ZNF814: variants seen among roughly 807,000 people sequenced by gnomAD.
ZNF814 encodes the protein zinc finger protein 814.
ZNF814 carries 5 observed loss-of-function variants against 7.5 expected under a neutral mutation model. The ratio of observed to expected loss-of-function variants is 0.67; its 90% CI spans 0.35 to 1.40. The LOEUF (loss-of-function observed/expected upper bound fraction) is 1.40. Ranked by LOEUF, ZNF814 falls within the 40% of genes most tolerant of loss-of-function variation. The pLI, the probability that ZNF814 is intolerant of heterozygous loss-of-function variation, is 0.04. For missense variants in ZNF814, 962 were observed against 1,018.0 expected, an observed-to-expected ratio of 0.94 and a Z score of 0.75; for synonymous variants, 315 against 340.7, an observed-to-expected ratio of 0.92 and a Z score of 0.83.
chr19:57,870,174 A>C lies in ZNF814; in HGVS notation c.*2648T>G, dbSNP rs1600132822. The C allele has an allele frequency of 6.6e-6, 1 of 152,142 alleles. No individual in the cohort carries two copies. The highest frequency in any genetic ancestry group is 1.9e-4 in the East Asian group (1 of 5,190). 9.4% of individuals were successfully genotyped at this position (152,142 alleles called of 1,614,324 possible). ...AGAATGGTGTGAACCCAGGAGGCAG[A>C]GCTTGCAGTGAGCCGAGATCGTGCC... On this transcript the variant is annotated 3_prime_UTR_variant, in exon 3 of 3. Coordinates refer to ENST00000435989, the MANE Select transcript of ZNF814 (RefSeq NM_001144989.2).
rs189297818 is a variant in ZNF814 at position 57,873,090 on chromosome 19, G to C, written c.2300C>G (p.Thr767Ser). ...ACTGCACTCATAAGGCTTTTCTCCA[G>C]TGTGAATTCGCTTATGAACACAGAA... ...STFCVHKRIH[T>S]GEKPYECSEC... The change falls in exon 3 of 3, where the codon ACT (threonine) becomes AGT (serine). Residue 767 changes from threonine (T) to serine (S), a missense_variant. Physicochemically the swap from Thr to Ser is moderately conservative, Grantham distance 58. This residue lies in a region of ZNF814 where 665 missense variants were observed against 551.4 expected (regional missense o/e 1.21). Coordinates refer to ENST00000435989, the MANE Select transcript of ZNF814 (RefSeq NM_001144989.2). 25 of 1,613,598 alleles carry C rather than the reference G, an allele frequency of 1.5e-5. 2 individuals are homozygous for C. The East Asian group carries it at 1.6e-4, about 10-fold the overall frequency.
chr19:57,874,904 C>G lies in ZNF814; in HGVS notation c.486G>C (p.Lys162Asn), dbSNP rs2071593443. Residue 162 changes from lysine to asparagine, a missense_variant, in exon 3 of 3, where the codon AAG becomes AAC. Lys to Asn is a moderately conservative substitution (Grantham distance 94). This residue lies in a region of ZNF814 where 126 missense variants were observed against 123.5 expected (regional missense o/e 1.02). Transcript: ENST00000435989. ...CAGATGACTCCCCTGACACATGCAA[C>G]TTACACCTCTTTGCAAACAACGCCT... ...VEEALFAKRC[K>N]LHVSGESSVF... 1.9e-6 allele frequency: 3 copies of G among 1,613,564 alleles called. No homozygotes were observed. Among genetic ancestry groups the G allele is most frequent in the Non-Finnish European group, 2.5e-6 (3 of 1,179,566 alleles).
chr19:57,873,381 C>A lies in ZNF814; in HGVS notation c.2009G>T (p.Ser670Ile), dbSNP rs748228555. The change falls in exon 3 of 3, where the codon AGT becomes ATT. Residue 670 changes from serine (S) to isoleucine (I), a missense_variant. This residue lies in a region of ZNF814 where 665 missense variants were observed against 551.4 expected (regional missense o/e 1.21). Transcript: ENST00000435989. ...GTGTAGAATGAGGTTACCCTTGTGA[C>A]TAAAACATTTCCCACATTCCCCACA... ...FKCGECGKCFSHKGNLILHQH... is the reference protein window; with the variant it reads ...FKCGECGKCFIHKGNLILHQH... 24 of 1,606,296 alleles carry A rather than the reference C, an allele frequency of 1.5e-5. No individual in the cohort carries two copies. Among genetic ancestry groups the A allele is most frequent in the Non-Finnish European group, 1.8e-5 (21 of 1,176,278 alleles).
upstream of ZNF814, among the ~76,000 whole-genome samples, chr19:57,889,277 C>G (rs569392464): frequency 4.7e-4 from 71 of 152,314 alleles, 2 homozygotes; most frequent in East Asian, 0.013. Context: ...GGTATGGTGG[C>G]TCCCGCCTGT....
chr19:57,883,528 G>A (rs2071665586), intron 1 of ZNF814, among the ~76,000 whole-genome samples: 2 of 151,674 alleles, frequency 1.3e-5, no homozygotes, highest in African/African-American at 4.8e-5. Context: ...GGATGTGGTA[G>A]TGCACACCTG....
In ZNF814 at chr19:57,873,019, T is replaced by C. The variant is rs1414402492; in HGVS notation, c.2371A>G (p.Lys791Glu). The change falls in exon 3 of 3, where the codon AAA (lysine) becomes GAA (glutamate). Residue 791 changes from lysine (K) to glutamate (E), a missense_variant. By Grantham distance (56) the Lys-to-Glu change is moderately conservative (BLOSUM62 1). Coordinates refer to ENST00000435989, the MANE Select transcript of ZNF814 (RefSeq NM_001144989.2). ...GGCTTTTCTCCAGTGTGAACTCTTTTGTGTTTTGTGAAACTGGAGCTTTCA... is the reference window on the plus strand; with the variant it reads ...GGCTTTTCTCCAGTGTGAACTCTTTCGTGTTTTGTGAAACTGGAGCTTTCA... The part of the protein sequence containing the change: ...FAESSSFTKH[K>E]RVHTGEKPYE... 5.3e-5 allele frequency: 86 copies of C among 1,613,610 alleles called. No homozygotes were observed. Among genetic ancestry groups the C allele is most frequent in the Admixed American group, 1.8e-4 (11 of 59,946 alleles).
At chr19:57,903,303 T>C in the ZNF814 span, among the ~76,000 whole-genome samples, 1 of 152,176 alleles carries the variant, frequency 6.6e-6, no homozygotes, top group African/African-American at 2.4e-5. Flanking sequence ...ACTGTCAAAT[T>C]TGTTGATAAA....
At chr19:57,894,823 G>C in the ZNF814 span, among the ~76,000 whole-genome samples, 1 of 149,396 alleles carries the variant, frequency 6.7e-6, no homozygotes, top group Non-Finnish European at 1.5e-5. Flanking sequence ...AACAGAGCGA[G>C]ACTCCGTCTC....
chr19:57,899,945 C>G, the ZNF814 span, among the ~76,000 whole-genome samples: 9 of 152,204 alleles, frequency 5.9e-5, no homozygotes, highest in South Asian at 2.1e-4. Context: ...ATTCAGCAAA[C>G]TTACATTAAT....
rs375911258 is a variant in ZNF814, at chr19:57,876,799, C to T, written c.163+117G>A. 1.6e-3 allele frequency: 2,463 copies of T among 1,529,150 alleles called. 48 individuals carry two copies. The South Asian group carries it at 0.03, about 19-fold the overall frequency. 94.7% of individuals were successfully genotyped at this position (1,529,150 alleles called of 1,614,324 possible). A position where few individuals can be genotyped will look rare whatever the true frequency, so the allele number is the denominator to read the frequency against. The stretch of plus-strand genomic sequence containing the variant: ...GACCTACCAACCAAGAACCTACCCA[C>T]AGAACTGAAGCAGGAAGCTGTGTCC... On this transcript the variant is annotated intron_variant, in intron 2 of 2. Transcript: ENST00000435989.
chr19:57,902,303 G>A, the ZNF814 span, among the ~76,000 whole-genome samples: 36 of 152,274 alleles, frequency 2.4e-4, no homozygotes, highest in African/African-American at 7.9e-4. Context: ...CCCCTAAGGG[G>A]ATTTTTAAGA....
At chr19:57,883,285 G>A (rs142928674) in intron 1 of ZNF814, among the ~76,000 whole-genome samples, 1 of 151,658 alleles carries the variant, frequency 6.6e-6, no homozygotes, top group African/African-American at 2.4e-5. Flanking sequence ...ATGAACCCCA[G>A]GGGGGCAGAG....
upstream of ZNF814, among the ~76,000 whole-genome samples, chr19:57,893,591 A>G (rs1378757771): frequency 1.3e-5 from 2 of 151,690 alleles, no homozygotes; most frequent in Non-Finnish European, 2.9e-5. Flanking sequence ...AGCCTGACCA[A>G]CATGGTGAAA....
the ZNF814 span, among the ~76,000 whole-genome samples, chr19:57,899,722 T>G: frequency 2.0e-5 from 3 of 152,172 alleles, no homozygotes; most frequent in Non-Finnish European, 4.4e-5. Context: ...GCCATTACAG[T>G]TTTTAGTTTT....
rs1162998628 is a variant in ZNF814 at position 57,871,869 on chromosome 19, G to A, written c.*953C>T. Among the ~76,000 whole-genome samples the A allele has an allele frequency of 6.6e-6, 1 of 150,838 alleles. No individual in the cohort carries two copies. The highest frequency in any genetic ancestry group is 1.5e-5 in the Non-Finnish European group (1 of 67,864). ...TCACACCTGTAATCCCAGCATGTTT[G>A]GAGGCCAAGGTGGAAGGATCGCTTG... is the stretch of plus-strand genomic sequence containing the variant. On this transcript the variant is annotated 3_prime_UTR_variant, in exon 3 of 3. Coordinates refer to ENST00000435989, the MANE Select transcript of ZNF814 (RefSeq NM_001144989.2).
the ZNF814 span, among the ~76,000 whole-genome samples, chr19:57,895,852 C>G: frequency 6.7e-6 from 1 of 150,040 alleles, no homozygotes; most frequent in African/African-American, 2.5e-5. Context: ...AGAAAGAATT[C>G]AGGGTGAGTC....
intron 1 of ZNF814, among the ~76,000 whole-genome samples, chr19:57,884,449 CAA>C (rs1184757870): frequency 6.6e-6 from 1 of 152,074 alleles, no homozygotes; most frequent in Non-Finnish European, 1.5e-5. Flanking sequence ...CCCATCTCTA[CAA>C]AAAAGTTTAA....
the ZNF814 span, among the ~76,000 whole-genome samples, chr19:57,894,673 CAAA>C: frequency 1.4e-5 from 2 of 144,070 alleles, no homozygotes; most frequent in East Asian, 2.0e-4. Flanking sequence ...ACTAAAAATA[CAAA>C]AAAAAAAATT....
Position 57,874,780 on chromosome 19 carries a change from C to A in ZNF814, c.610G>T (p.Val204Leu), listed in dbSNP as rs199876953. Residue 204 changes from valine to leucine, a missense_variant, in exon 3 of 3, where the codon GTG becomes TTG. Val to Leu is a conservative substitution (Grantham distance 32). This residue lies in a region of ZNF814 where 126 missense variants were observed against 123.5 expected (regional missense o/e 1.02). Coordinates refer to ENST00000435989, the MANE Select transcript of ZNF814 (RefSeq NM_001144989.2). ...GEKSNSKTECVSPIQCGGAHY... is the reference protein window; with the variant it reads ...GEKSNSKTECLSPIQCGGAHY... Reference sequence around the variant, plus strand: ...GCTCCCCCACACTGAATGGGAGACACACACTCAGTTTTGCTGTTTGACTTC... The same window carrying A: ...GCTCCCCCACACTGAATGGGAGACAAACACTCAGTTTTGCTGTTTGACTTC... 152 of 1,614,092 alleles carry A rather than the reference C, an allele frequency of 9.4e-5. 1 individual carries two copies. The African/African-American group carries it at 1.0e-3, about 11-fold the overall frequency.
Sources: allele counts gnomAD v4.1 joint callset (sites outside exome capture counted in the v4.1 genomes callset), GRCh38; gene constraint gnomAD v4.1.1; regional missense constraint gnomAD v4.1.1; transcripts MANE v1.5; gene names NCBI Gene and HGNC (gene_info 2026-07-23, HGNC 2026-07-21).